Variants in RNF103 observed in about 807,000 individuals in gnomAD.
RNF103 encodes the protein E3 ubiquitin-protein ligase RNF103.
A neutral mutation model predicts 66.2 loss-of-function variants in RNF103; 23 were observed. The ratio of observed to expected loss-of-function variants is 0.35; its 90% CI spans 0.25 to 0.49. RNF103 has a LOEUF of 0.49. Ranked by LOEUF, RNF103 falls within the 20% of genes least tolerant of loss-of-function variation. The pLI, the probability that RNF103 is intolerant of heterozygous loss-of-function variation, is 0.98. For synonymous variants in RNF103, 297 were observed against 289.9 expected (o/e 1.02, Z -0.25); for missense variants, 730 against 814.7 (o/e 0.90, Z 1.27).
At chr2:86,617,853 G>T in intron 2 of RNF103, 1 of 1,089,048 alleles carries the variant, frequency 9.2e-7, no homozygotes, top group East Asian at 7.3e-5. Context: ...GGCTTAGCTG[G>T]CTAGTTCACA....
intron 2 of RNF103, chr2:86,617,470 G>T: frequency 2.2e-6 from 1 of 444,498 alleles, no homozygotes; most frequent in Non-Finnish European, 3.0e-6. Context: ...ATTTTTATTA[G>T]TTGTTGTTGT....
At chr2:86,607,702 C>T (rs1678628016) in intron 3 of RNF103, among the ~76,000 whole-genome samples, 1 of 152,198 alleles carries the variant, frequency 6.6e-6, no homozygotes, top group Non-Finnish European at 1.5e-5. Flanking sequence ...GGACAACTGT[C>T]TTATTTATAT....
In RNF103 at chr2:86,604,420, G is replaced by C. The variant is rs1302060854; in HGVS notation, c.1481C>G (p.Ala494Gly). 1.2e-6 allele frequency: 2 copies of C among 1,614,234 alleles called. No individual in the cohort carries two copies. The highest frequency in any genetic ancestry group is 1.7e-6 in the Non-Finnish European group (2 of 1,180,040). Residue 494 changes from alanine to glycine, a missense_variant, in exon 4 of 4, where the codon GCT (alanine) becomes GGT (glycine). Ala to Gly is a moderately conservative substitution (Grantham distance 60). Coordinates refer to ENST00000237455, the MANE Select transcript of RNF103 (RefSeq NM_005667.4). ...EDPDLFLERLAFPDLWLHPLI... is the reference protein window; with the variant it reads ...EDPDLFLERLGFPDLWLHPLI... Reference sequence around the variant, plus strand: ...AGGGTGAAGCCAAAGGTCAGGGAAAGCTAAGCGCTCCAAGAATAAGTCAGG... The same window carrying C: ...AGGGTGAAGCCAAAGGTCAGGGAAACCTAAGCGCTCCAAGAATAAGTCAGG...
intron 2 of RNF103, chr2:86,613,484 T>A (rs931634052): frequency 6.6e-6 from 1 of 152,208 alleles, no homozygotes; most frequent in Non-Finnish European, 1.5e-5. Flanking sequence ...GTCCAGGGTA[T>A]ATAGGCCAAG....
At chr2:86,612,348 T>A in intron 2 of RNF103, 74 bp from the exon 3 acceptor site, 1 of 772,848 alleles carries the variant, frequency 1.3e-6, no homozygotes. Context: ...ACATCAACAA[T>A]ATAATTTCAC....
intron 1 of RNF103, among the ~76,000 whole-genome samples, chr2:86,621,702 A>G (rs1323119642): frequency 6.6e-6 from 1 of 152,238 alleles, no homozygotes; most frequent in Non-Finnish European, 1.5e-5. Context: ...TTTGTCTTGT[A>G]AAAGATACAG....
chr2:86,623,190 GCGCGGGGAGAGCT>G lies in RNF103; in HGVS notation c.-317_-305del. 1.9e-6 allele frequency: 2 copies of G among 1,044,098 alleles called. No individual in the cohort carries two copies. Among genetic ancestry groups the G allele is most frequent in the Non-Finnish European group, 1.1e-6 (1 of 870,088 alleles). 64.7% of individuals were successfully genotyped at this position (1,044,098 alleles called of 1,614,324 possible). A position where few individuals can be genotyped will look rare whatever the true frequency, so the allele number is the denominator to read the frequency against. On this transcript the variant is annotated 5_prime_UTR_variant, in exon 1 of 4. Coordinates refer to ENST00000237455, the MANE Select transcript of RNF103 (RefSeq NM_005667.4). ...TCCATTAAGCACAGAAAGGAGAGGG[GCGCGGGGAGAGCT>G]CGCGGGGAAGAACAAAACGAGGGAC... is the stretch of plus-strand genomic sequence containing the variant.
At chr2:86,610,210 C>T (rs2104222312) in intron 3 of RNF103, among the ~76,000 whole-genome samples, 1 of 152,210 alleles carries the variant, frequency 6.6e-6, no homozygotes, top group East Asian at 1.9e-4. Flanking sequence ...AAAACTATAG[C>T]TACAATCAAC....
chr2:86,615,680 AG>A (rs1265823973), intron 2 of RNF103, among the ~76,000 whole-genome samples: 3 of 150,364 alleles, frequency 2.0e-5, no homozygotes, highest in Non-Finnish European at 2.9e-5. Context: ...TCAGCAGCTC[AG>A]GAAGGAACAC....
chr2:86,612,301 A>G (rs752530030), intron 2 of RNF103, 27 bp from the exon 3 acceptor site: 3 of 1,379,624 alleles, frequency 2.2e-6, no homozygotes, highest in Non-Finnish European at 3.1e-6. Context: ...AGAAAAAGAA[A>G]CTTGAATTAC....
Position 86,604,085 on chromosome 2 carries a change from G to A in RNF103, c.1816C>T (p.Pro606Ser). 1 of 1,613,724 alleles carries A rather than the reference G, an allele frequency of 6.2e-7. No homozygotes were observed. Among genetic ancestry groups the A allele is most frequent in the East Asian group, 2.2e-5 (1 of 44,886 alleles). ...TCAGCAGGCCAAGTTAACCAATCAG[G>A]TTCCATATCTTCATTAGTGTTATAT... The part of the protein sequence containing the change: ...GSYNTNEDME[P>S]DWLTWPADML... Residue 606 changes from proline to serine, a missense_variant, in exon 4 of 4, where the codon CCT becomes TCT. Coordinates refer to ENST00000237455, the MANE Select transcript of RNF103 (RefSeq NM_005667.4).
At position 86,605,359 on chromosome 2, in the gene RNF103, C is replaced by T. The variant is rs1187110416; in HGVS notation, c.542G>A (p.Ser181Asn). 6.2e-7 allele frequency: 1 copy of T among 1,614,046 alleles called. No homozygotes were observed. The highest frequency in any genetic ancestry group is 1.3e-5 in the African/African-American group (1 of 74,930). ...AAGCATGACTTTCCCTTTTGAAGTA[C>T]TTGTTTGTGGAACAGACATAATGAG... ...STLIMSVPQTSTSKGKVMLKE... is the reference protein window; with the variant it reads ...STLIMSVPQTNTSKGKVMLKE... Residue 181 changes from serine (S) to asparagine (N), a missense_variant, in exon 4 of 4, where the codon AGT (serine) becomes AAT (asparagine). By Grantham distance (46) the Ser-to-Asn change is conservative. Around this residue, in one of 3 missense-constraint regions of RNF103, gnomAD observed 327 missense variants for 369.8 expected, o/e 0.88. Transcript: ENST00000237455.
chr2:86,623,085 G>A lies in RNF103; in HGVS notation c.-199C>T, dbSNP rs1196841905. 7 of 1,282,490 alleles carry A rather than the reference G, an allele frequency of 5.5e-6. No individual in the cohort carries two copies. In the East Asian group the frequency reaches 2.4e-4, roughly 45 times the overall value. 79.4% of individuals were successfully genotyped at this position (1,282,490 alleles called of 1,614,324 possible). A position where few individuals can be genotyped will look rare whatever the true frequency, so the allele number is the denominator to read the frequency against. ...GCGCGGGCGCGAGGCGGCGACGAGG[G>A]ACGCAGAGACGCAGAGCCTCGCGCC... On this transcript the variant is annotated 5_prime_UTR_variant, in exon 1 of 4. Coordinates refer to ENST00000237455, the MANE Select transcript of RNF103 (RefSeq NM_005667.4).
chr2:86,608,111 C>T (rs915532081), intron 3 of RNF103, among the ~76,000 whole-genome samples: 20 of 152,092 alleles, frequency 1.3e-4, no homozygotes, highest in African/African-American at 4.8e-4. Flanking sequence ...CTTTTGAGTT[C>T]TCTTAGAGAA....
rs1329220128 is a variant in RNF103, at chr2:86,623,509, C to G, written c.-623G>C. On this transcript the variant is annotated 5_prime_UTR_variant, in exon 1 of 4. Coordinates refer to ENST00000237455, the MANE Select transcript of RNF103 (RefSeq NM_005667.4). ...CCGAAGCCCAGGCCCCAGGCCCCGC[C>G]GACCGCCCAGGCTCCGCGAGAAGAG... 2 of 983,526 alleles carry G rather than the reference C, an allele frequency of 2.0e-6. No homozygotes were observed. The highest frequency in any genetic ancestry group is 2.4e-6 in the Non-Finnish European group (2 of 829,448). The allele number at this position is 983,526 out of a possible 1,614,324, so 60.9% of individuals were successfully genotyped here.
chr2:86,604,478 T>G lies in RNF103; in HGVS notation c.1423A>C (p.Asn475His). 1 of 1,614,238 alleles carries G rather than the reference T, an allele frequency of 6.2e-7. No individual in the cohort carries two copies. The highest frequency in any genetic ancestry group is 1.1e-5 in the South Asian group (1 of 91,086). ...YLFHPIASFQ[N>H]FPVESDWDED... ...TCCCAATCAGATTCTACAGGAAAGT[T>G]CTGAAAAGAAGCAATCGGGTGGAAG... The change falls in exon 4 of 4, where the codon AAC becomes CAC. Residue 475 changes from asparagine (N) to histidine (H), a missense_variant. By Grantham distance (68) the Asn-to-His change is moderately conservative. Transcript: ENST00000237455.
intron 2 of RNF103, among the ~76,000 whole-genome samples, chr2:86,619,198 A>G (rs1452022957): frequency 6.6e-6 from 1 of 152,216 alleles, no homozygotes; most frequent in Non-Finnish European, 1.5e-5. Context: ...CTAGTCAGTG[A>G]CAGTACCAGA....
chr2:86,616,646 T>C (rs1679036344), intron 2 of RNF103: 1 of 985,276 alleles, frequency 1.0e-6, no homozygotes, highest in East Asian at 1.1e-4. Flanking sequence ...AAACAGGAAA[T>C]ATATTGATGT....
intron 3 of RNF103, 36 bp downstream of exon 3, chr2:86,612,123 A>G (rs369438477): frequency 1.2e-4 from 163 of 1,359,158 alleles, no homozygotes; most frequent in Non-Finnish European, 1.6e-4. Context: ...GATCCTGGTC[A>G]GGACTCAAAT....
Sources: gnomAD v4.1 joint callset for allele counts (sites outside exome capture counted in the v4.1 genomes callset) on GRCh38, gnomAD v4.1.1 for gene constraint, gnomAD v4.1.1 regional missense constraint, MANE v1.5 for transcripts, NCBI Gene and HGNC (gene_info 2026-07-23, HGNC 2026-07-21) for gene names.